SDCCAG8: variants seen among roughly 807,000 people sequenced by gnomAD.
The protein encoded by SDCCAG8 is SHH signaling and ciliogenesis regulator SDCCAG8.
SDCCAG8 carries 74 observed loss-of-function variants against 101.8 expected under a neutral mutation model. The ratio of observed to expected loss-of-function variants is 0.73; its 90% CI spans 0.60 to 0.88. SDCCAG8 has a LOEUF of 0.88. Among genes scored for constraint, SDCCAG8 ranks in the 40% least tolerant of loss-of-function variants. The probability of loss-of-function intolerance (pLI) is 0.00; values close to 1 mark genes in which losing one functional copy is unlikely to be tolerated. For synonymous variants in SDCCAG8, 281 were observed against 292.9 expected, an observed-to-expected ratio of 0.96 and a Z score of 0.41; for missense variants, 787 against 822.6, an observed-to-expected ratio of 0.96 and a Z score of 0.53.
In SDCCAG8 at chr1:243,309,943, A is replaced by C. The variant is rs565135487; in HGVS notation, c.929+1766A>C. On this transcript the variant is annotated intron_variant, in intron 8 of 17. Transcript: ENST00000366541. ...CAGTGGCGCAATCTTGGCTCTCTGC[A>C]ACCTCTGCTTCTCGGGTTCAAGTGA... Among the ~76,000 whole-genome samples, 15 of 152,204 alleles carry C rather than the reference A, an allele frequency of 9.9e-5. No individual in the cohort carries two copies. In the South Asian group the frequency reaches 2.1e-3, roughly 21 times the overall value.
At chr1:243,295,383 G>T (rs537165796) in intron 6 of SDCCAG8, among the ~76,000 whole-genome samples, 1 of 152,048 alleles carries the variant, frequency 6.6e-6, no homozygotes, top group Admixed American at 6.5e-5. Context: ...GACTACAGGT[G>T]TGCGCCACCA....
chr1:243,318,247 G>A lies in SDCCAG8; in HGVS notation c.1068+1354G>A, dbSNP rs139131181. On this transcript the variant is annotated intron_variant, in intron 9 of 17. Coordinates refer to ENST00000366541, the MANE Select transcript of SDCCAG8 (RefSeq NM_006642.5). The stretch of plus-strand genomic sequence containing the variant: ...AGACAGTTATCCTTAGCAAACTAAC[G>A]CAGGAACAGAAAGCCAAATACTGCA... 4.9e-3 allele frequency among the ~76,000 whole-genome samples: 747 copies of A among 152,292 alleles called. 1 individual carries two copies. Among genetic ancestry groups the A allele is most frequent in the African/African-American group, 0.017 (706 of 41,560 alleles).
chr1:243,282,026 C>T (rs1324464774), intron 4 of SDCCAG8, among the ~76,000 whole-genome samples: 2 of 152,014 alleles, frequency 1.3e-5, no homozygotes, highest in African/African-American at 4.8e-5. Flanking sequence ...CTCAGTCGCC[C>T]AGGCTGTAGT....
intron 17 of SDCCAG8, among the ~76,000 whole-genome samples, chr1:243,490,528 CTG>C (rs1666146792): frequency 6.6e-6 from 1 of 152,362 alleles, no homozygotes; most frequent in African/African-American, 2.4e-5. Context: ...GGTTGTGTCA[CTG>C]TGCTGAATCC....
At chr1:243,332,076 G>A (rs1310835444) in intron 10 of SDCCAG8, among the ~76,000 whole-genome samples, 5 of 152,160 alleles carry the variant, frequency 3.3e-5, no homozygotes, top group African/African-American at 1.2e-4. Context: ...AGGTGAAGAG[G>A]GGAAGAGGGT....
intron 6 of SDCCAG8, among the ~76,000 whole-genome samples, chr1:243,297,260 A>G (rs1159442914): frequency 1.3e-5 from 2 of 152,188 alleles, no homozygotes; most frequent in African/African-American, 4.8e-5. Context: ...ATGTTGTTAC[A>G]TTGGCCGAAG....
chr1:243,307,562 T>C, intron 7 of SDCCAG8: 1 of 984,084 alleles, frequency 1.0e-6, no homozygotes, highest in South Asian at 4.7e-5. Flanking sequence ...AGATTAATGC[T>C]TGAAATAGGG....
At chr1:243,495,241 G>A (rs1255771370) in intron 17 of SDCCAG8, among the ~76,000 whole-genome samples, 2 of 152,224 alleles carry the variant, frequency 1.3e-5, no homozygotes, top group East Asian at 3.8e-4. Context: ...CCTGGCCTGT[G>A]CGGGGCCGCC....
At chr1:243,411,664 A>G (rs1337490927) in intron 13 of SDCCAG8, among the ~76,000 whole-genome samples, 1 of 152,104 alleles carries the variant, frequency 6.6e-6, no homozygotes, top group Non-Finnish European at 1.5e-5. Context: ...CTTTTCTTGA[A>G]TGGCCTGTGA....
intron 16 of SDCCAG8, chr1:243,476,391 A>T: frequency 1.0e-6 from 1 of 982,412 alleles, no homozygotes; most frequent in Non-Finnish European, 1.2e-6. Context: ...GAATCTGGTT[A>T]CTTAGCTGCT....
chr1:243,381,942 A>G (rs1441252561), intron 13 of SDCCAG8, among the ~76,000 whole-genome samples: 5 of 152,218 alleles, frequency 3.3e-5, no homozygotes, highest in Admixed American at 6.5e-5. Context: ...GACAGTGAAA[A>G]GGGATAGTCA....
At chr1:243,453,556 CTG>C (rs1242575802) in intron 16 of SDCCAG8, among the ~76,000 whole-genome samples, 2 of 152,210 alleles carry the variant, frequency 1.3e-5, no homozygotes, top group Non-Finnish European at 2.9e-5. Flanking sequence ...AAACCCGCCT[CTG>C]TACATTTCTG....
intron 16 of SDCCAG8, among the ~76,000 whole-genome samples, chr1:243,459,439 G>T (rs772502090): frequency 6.6e-6 from 1 of 151,956 alleles, no homozygotes; most frequent in African/African-American, 2.4e-5. Flanking sequence ...GGTGGAGGAG[G>T]CCAGAGGTTC....
At chr1:243,485,918 G>T (rs1351265284) in intron 16 of SDCCAG8, among the ~76,000 whole-genome samples, 1 of 150,118 alleles carries the variant, frequency 6.7e-6, no homozygotes, top group Non-Finnish European at 1.5e-5. Flanking sequence ...TCAATCTCGG[G>T]CCGGGCGTGG....
At chr1:243,483,135 C>T (rs1454814368) in intron 16 of SDCCAG8, among the ~76,000 whole-genome samples, 1 of 152,214 alleles carries the variant, frequency 6.6e-6, no homozygotes, top group Admixed American at 6.5e-5. Flanking sequence ...GTTTCCAGGC[C>T]CGTGGCGACG....
chr1:243,453,713 A>G (rs2083534356), intron 16 of SDCCAG8, among the ~76,000 whole-genome samples: 1 of 152,202 alleles, frequency 6.6e-6, no homozygotes, highest in Non-Finnish European at 1.5e-5. Flanking sequence ...CTCCAGCAAA[A>G]TATTTTTAAA....
chr1:243,330,781 G>T (rs1352978271), intron 10 of SDCCAG8, 89 bp downstream of exon 10: 3 of 1,332,798 alleles, frequency 2.3e-6, no homozygotes, highest in African/African-American at 3.0e-5. Flanking sequence ...GTTCTTGAAT[G>T]AACTTTAAAT....
chr1:243,497,959 G>A (rs893376988), intron 17 of SDCCAG8, among the ~76,000 whole-genome samples: 2 of 152,198 alleles, frequency 1.3e-5, no homozygotes, highest in African/African-American at 4.8e-5. Flanking sequence ...TGGGATTACA[G>A]GTGTGAGCCA....
intron 5 of SDCCAG8, among the ~76,000 whole-genome samples, chr1:243,292,101 C>T (rs554546734): frequency 6.6e-6 from 1 of 152,320 alleles, no homozygotes; most frequent in Admixed American, 6.5e-5. Flanking sequence ...AGTTTGGGTA[C>T]ACCACCCTCT....
Sources: allele counts gnomAD v4.1 joint callset (sites outside exome capture counted in the v4.1 genomes callset), GRCh38; gene constraint gnomAD v4.1.1; transcripts MANE v1.5; gene names NCBI Gene and HGNC (gene_info 2026-07-23, HGNC 2026-07-21).